Variants in JARID2 observed in about 807,000 individuals in gnomAD.
The protein encoded by JARID2 is jumonji and AT-rich interaction domain containing 2, also known as protein Jumonji.
JARID2 carries 21 observed loss-of-function variants against 125.6 expected under a neutral mutation model. The ratio of observed to expected loss-of-function variants is 0.17; its 90% CI spans 0.12 to 0.24. JARID2 has a LOEUF of 0.24. JARID2 is among the 10% of genes least tolerant of loss of function. JARID2 has a pLI of 1.00. For missense variants in JARID2, 1,303 were observed against 1,639.6 expected, an observed-to-expected ratio of 0.79 and a Z score of 3.55; for synonymous variants, 736 against 661.6, an observed-to-expected ratio of 1.11 and a Z score of -1.73.
At chr6:15,391,907 A>T (rs1195464314) in intron 2 of JARID2, among the ~76,000 whole-genome samples, 2 of 152,194 alleles carry the variant, frequency 1.3e-5, no homozygotes, top group Admixed American at 1.3e-4. Context: ...CTTTTGGGTC[A>T]GGGAAGCATT....
intron 3 of JARID2, among the ~76,000 whole-genome samples, chr6:15,438,169 C>T (rs1042599862): frequency 7.2e-5 from 11 of 152,108 alleles, no homozygotes; most frequent in South Asian, 2.1e-4. Flanking sequence ...GAGGAGAAGC[C>T]TCAGCAACCC....
chr6:15,515,488 T>TAC, intron 16 of JARID2, among the ~76,000 whole-genome samples: 1 of 152,156 alleles, frequency 6.6e-6, no homozygotes, highest in Admixed American at 6.5e-5. Context: ...GCCTGAAAGT[T>TAC]ATTTTAAGAA....
chr6:15,349,299 G>A (rs1301692196), intron 1 of JARID2, among the ~76,000 whole-genome samples: 2 of 152,178 alleles, frequency 1.3e-5, no homozygotes, highest in Non-Finnish European at 1.5e-5. Context: ...GTTCCATCTG[G>A]ATGGAATTTT....
At chr6:15,343,843 T>A (rs773572759) in intron 1 of JARID2, among the ~76,000 whole-genome samples, 6 of 152,218 alleles carry the variant, frequency 3.9e-5, no homozygotes, top group Non-Finnish European at 8.8e-5. Flanking sequence ...AGCAGTTGTT[T>A]TGAGAATAAC....
chr6:15,501,450 T>C, intron 8 of JARID2, 41 bp downstream of exon 8: 1 of 1,506,238 alleles, frequency 6.6e-7, no homozygotes, highest in Non-Finnish European at 8.8e-7. Context: ...GCTGCAGGAG[T>C]GCGGGAGGAA....
At chr6:15,401,154 CTATATA>C (rs140011539) in intron 2 of JARID2, 9 of 807,302 alleles carry the variant, frequency 1.1e-5, no homozygotes, top group African/African-American at 1.9e-5. Flanking sequence ...TGGCAAGGTG[CTATATA>C]TATATATATA....
At chr6:15,302,070 CAA>C (rs1761643513) in intron 1 of JARID2, among the ~76,000 whole-genome samples, 1 of 152,112 alleles carries the variant, frequency 6.6e-6, no homozygotes, top group African/African-American at 2.4e-5. Flanking sequence ...TTCCTGATCT[CAA>C]GTCTTCATTT....
At chr6:15,503,427 G>A (rs1260045333) in intron 8 of JARID2, among the ~76,000 whole-genome samples, 1 of 152,226 alleles carries the variant, frequency 6.6e-6, no homozygotes, top group East Asian at 1.9e-4. Context: ...GACTACGACT[G>A]TGGACCCAAT....
chr6:15,430,274 A>G (rs554303333), intron 3 of JARID2, among the ~76,000 whole-genome samples: 1 of 152,306 alleles, frequency 6.6e-6, no homozygotes, highest in African/African-American at 2.4e-5. Context: ...TATCAAGACA[A>G]TTTCTGTGAC....
chr6:15,443,997 CTATGTAACTTAA>C (rs1767556834), intron 3 of JARID2, among the ~76,000 whole-genome samples: 1 of 152,170 alleles, frequency 6.6e-6, no homozygotes, highest in Non-Finnish European at 1.5e-5. Context: ...AAATAGCTTC[CTATGTAACTTAA>C]TTAAGACAAG....
At chr6:15,371,977 C>G (rs969666388) in intron 1 of JARID2, among the ~76,000 whole-genome samples, 1 of 152,206 alleles carries the variant, frequency 6.6e-6, no homozygotes, top group African/African-American at 2.4e-5. Context: ...AATCCTAGTT[C>G]TCTCAGGACT....
rs532211977 is a variant in JARID2 at position 15,467,306 on chromosome 6, G to A, written c.494-1236G>A. Among the ~76,000 whole-genome samples, 3 of 152,298 alleles carry A rather than the reference G, an allele frequency of 2.0e-5. No individual in the cohort carries two copies. The South Asian group carries it at 6.2e-4, about 32-fold the overall frequency. ...GAGATCTCTATTTAGGTAGGAGAGTGAATTGGTGATCTATCTCTTCGGTGA... is the reference window on the plus strand; with the variant it reads ...GAGATCTCTATTTAGGTAGGAGAGTAAATTGGTGATCTATCTCTTCGGTGA... On this transcript the variant is annotated intron_variant, in intron 4 of 17. Transcript: ENST00000341776.
At chr6:15,257,547 G>A (rs1288139305) in intron 1 of JARID2, among the ~76,000 whole-genome samples, 1 of 152,178 alleles carries the variant, frequency 6.6e-6, no homozygotes, top group Non-Finnish European at 1.5e-5. Context: ...GTTTTTCACA[G>A]ATTTGGGGCT....
chr6:15,298,696 A>G (rs1328037030), intron 1 of JARID2, among the ~76,000 whole-genome samples: 1 of 151,322 alleles, frequency 6.6e-6, no homozygotes, highest in African/African-American at 2.4e-5. Flanking sequence ...AAAAAAAAAG[A>G]AAAAATTTCC....
At chr6:15,311,793 T>C (rs890289566) in intron 1 of JARID2, among the ~76,000 whole-genome samples, 11 of 151,952 alleles carry the variant, frequency 7.2e-5, no homozygotes, top group African/African-American at 2.7e-4. Flanking sequence ...TTCCTCTTAA[T>C]ACCCTAAGCC....
At chr6:15,505,620 T>C (rs1554146800) in intron 9 of JARID2, among the ~76,000 whole-genome samples, 1 of 152,254 alleles carries the variant, frequency 6.6e-6, no homozygotes, top group Non-Finnish European at 1.5e-5. Flanking sequence ...AATAGAGGTT[T>C]ACCTTTCACG....
intron 3 of JARID2, among the ~76,000 whole-genome samples, chr6:15,442,785 G>C (rs974573386): frequency 2.0e-5 from 3 of 152,188 alleles, no homozygotes; most frequent in African/African-American, 7.2e-5. Context: ...GTCAATGTCA[G>C]ATGTTTCCTT....
chr6:15,297,250 G>T (rs980677157), intron 1 of JARID2, among the ~76,000 whole-genome samples: 3 of 152,048 alleles, frequency 2.0e-5, no homozygotes, highest in African/African-American at 7.2e-5. Context: ...TCCTGGGTTC[G>T]AGCAGTTCTC....
chr6:15,449,517 A>G (rs1319859163), intron 3 of JARID2, among the ~76,000 whole-genome samples: 1 of 151,900 alleles, frequency 6.6e-6, no homozygotes, highest in East Asian at 1.9e-4. Context: ...AACAAGCCAA[A>G]AACAGCTGGG....
Sources: allele counts gnomAD v4.1 joint callset (sites outside exome capture counted in the v4.1 genomes callset), GRCh38; gene constraint gnomAD v4.1.1; transcripts MANE v1.5; gene names NCBI Gene and HGNC (gene_info 2026-07-23, HGNC 2026-07-21).